Variants in PACS1 observed in about 807,000 individuals in gnomAD.
PACS1 encodes the protein PACS-1.
PACS1 carries 24 observed loss-of-function variants against 115.0 expected under a neutral mutation model. That is an observed-to-expected ratio of 0.21 (90% CI 0.15 to 0.29). The LOEUF (loss-of-function observed/expected upper bound fraction) is 0.29. PACS1 is among the 10% of genes least tolerant of loss of function. PACS1 has a pLI of 1.00. For missense variants in PACS1, 838 were observed against 1,251.2 expected (o/e 0.67, Z 4.98); for synonymous variants, 453 against 504.5 (o/e 0.90, Z 1.37).
At chr11:66,178,294 G>C (rs533855411) in intron 1 of PACS1, among the ~76,000 whole-genome samples, 2 of 152,108 alleles carry the variant, frequency 1.3e-5, no homozygotes, top group South Asian at 4.1e-4. Flanking sequence ...TTGCCTTCTT[G>C]AACAGTATAT....
intron 2 of PACS1, among the ~76,000 whole-genome samples, chr11:66,202,763 A>AG (rs1854844184): frequency 9.7e-6 from 1 of 103,522 alleles, no homozygotes; most frequent in Non-Finnish European, 2.0e-5. Context: ...ATATATATAT[A>AG]TATATATATA....
At chr11:66,201,997 G>A (rs1247501893) in intron 2 of PACS1, among the ~76,000 whole-genome samples, 1 of 151,880 alleles carries the variant, frequency 6.6e-6, no homozygotes, top group Non-Finnish European at 1.5e-5. Context: ...TAAACCTTTA[G>A]CCAGACCAAA....
In PACS1 at chr11:66,232,793, C is replaced by A. The variant is rs202121412; in HGVS notation, c.1732-167C>A. 7.2e-5 allele frequency among the ~76,000 whole-genome samples: 11 copies of A among 152,326 alleles called. No individual in the cohort carries two copies. In the East Asian group the frequency reaches 1.7e-3, roughly 24 times the overall value. On this transcript the variant is annotated intron_variant, in intron 14 of 23. Transcript: ENST00000320580. ...CGTGTCTCGTGGGTCGGCCCCACCC[C>A]CTCCTTACTGGCAGTCCGGAGACCT...
chr11:66,117,086 GA>G (rs1858322505), intron 1 of PACS1, among the ~76,000 whole-genome samples: 2 of 151,988 alleles, frequency 1.3e-5, no homozygotes, highest in Non-Finnish European at 2.9e-5. Context: ...TTTTAAAAAC[GA>G]TGTGTATTAT....
rs150214972 is a variant in PACS1, at chr11:66,235,341, C to G, written c.2145C>G (p.Asn715Lys). 6.2e-7 allele frequency: 1 copy of G among 1,613,988 alleles called. No individual in the cohort carries two copies. Among genetic ancestry groups the G allele is most frequent in the Middle Eastern group, 1.7e-4 (1 of 6,060 alleles). Reference protein sequence around the residue: ...DVAGRVMQYVNGAATTHQLPV... With the variant: ...DVAGRVMQYVKGAATTHQLPV... ...CAGGGCGGGTGATGCAGTACGTCAA[C>G]GGGGCAGCCACGACACACCAGCTTC... The change falls in exon 18 of 24, where the codon AAC (asparagine) becomes AAG (lysine). Residue 715 changes from asparagine to lysine, a missense_variant. By Grantham distance (94) the Asn-to-Lys change is moderately conservative (BLOSUM62 0). Around this residue, in one of 6 missense-constraint regions of PACS1, gnomAD observed 383 missense variants for 537.0 expected, o/e 0.71. Coordinates refer to ENST00000320580, the MANE Select transcript of PACS1 (RefSeq NM_018026.4). This position sits in a 1 kb window ranked among gnomAD's most constrained non-coding sequence, Gnocchi z 5.6.
chr11:66,202,522 A>C (rs1428316404), intron 2 of PACS1, among the ~76,000 whole-genome samples: 3 of 151,904 alleles, frequency 2.0e-5, no homozygotes, highest in Middle Eastern at 3.2e-3. Flanking sequence ...AGGATGGTTC[A>C]GCATACACAA....
At chr11:66,162,821 G>A (rs896238058) in intron 1 of PACS1, among the ~76,000 whole-genome samples, 3 of 152,154 alleles carry the variant, frequency 2.0e-5, no homozygotes, top group African/African-American at 7.2e-5. Flanking sequence ...AACCAAGTAA[G>A]CAATGTTAAA....
At chr11:66,093,727 A>G (rs1208237098) in intron 1 of PACS1, among the ~76,000 whole-genome samples, 3,909 of 150,120 alleles carry the variant, frequency 0.026, 148 homozygotes, top group African/African-American at 0.089. Context: ...CTCCACCCCA[A>G]ATCAACAGAA....
intron 10 of PACS1, among the ~76,000 whole-genome samples, chr11:66,223,936 A>T (rs1855414434): frequency 6.6e-6 from 1 of 152,172 alleles, no homozygotes; most frequent in Non-Finnish European, 1.5e-5. Context: ...GGTGGCTCAA[A>T]CCTGTAATCC....
chr11:66,177,274 C>T (rs758946649), intron 1 of PACS1, among the ~76,000 whole-genome samples: 60 of 152,242 alleles, frequency 3.9e-4, no homozygotes, highest in Admixed American at 2.7e-3. Context: ...AGTGGTGCAT[C>T]CACCACCTCC....
chr11:66,208,484 G>C (rs548594425), intron 2 of PACS1, among the ~76,000 whole-genome samples: 1 of 152,050 alleles, frequency 6.6e-6, no homozygotes, highest in East Asian at 1.9e-4. Context: ...TAAAAATAAT[G>C]TTTCAATGAA....
At chr11:66,138,282 A>G (rs1056600620) in intron 1 of PACS1, among the ~76,000 whole-genome samples, 1 of 151,884 alleles carries the variant, frequency 6.6e-6, no homozygotes, top group Non-Finnish European at 1.5e-5. Context: ...TTTTACAGAG[A>G]TGGGAGTCTT....
At position 66,219,821 on chromosome 11, in the gene PACS1, C is replaced by T. The variant is rs921691900; in HGVS notation, c.1038+16C>T. 1 of 1,588,072 alleles carries T rather than the reference C, an allele frequency of 6.3e-7. No individual in the cohort carries two copies. On this transcript the variant is annotated intron_variant, in intron 8 of 23. Coordinates refer to ENST00000320580, the MANE Select transcript of PACS1 (RefSeq NM_018026.4). The stretch of plus-strand genomic sequence containing the variant: ...TTCAGATGAGGTATGGCCTCTTACT[C>T]CCAAGGTTAATGGTGAGTAGAATTC...
rs377260681 is a variant in PACS1, at chr11:66,243,159, C to T, written c.2777-6C>T. On this transcript the variant is annotated splice_region_variant and splice_polypyrimidine_tract_variant and intron_variant, in intron 23 of 23. Transcript: ENST00000320580. ...CTGGTCACCCCTCCTCTCCTGTCAC[C>T]CCTAGTGTCCATCGATGGGGTCGAG... 1.9e-6 allele frequency: 3 copies of T among 1,612,940 alleles called. No homozygotes were observed. The African/African-American group carries it at 4.0e-5, about 22-fold the overall frequency.
intron 1 of PACS1, among the ~76,000 whole-genome samples, chr11:66,182,699 C>T (rs1402311500): frequency 1.3e-5 from 2 of 152,146 alleles, no homozygotes; most frequent in African/African-American, 4.8e-5. Context: ...CTTATGTGCT[C>T]AGGCTGGTCT....
At chr11:66,211,025 C>G in intron 3 of PACS1, 109 bp from the exon 4 acceptor site, 2 of 1,328,288 alleles carry the variant, frequency 1.5e-6, no homozygotes, top group African/African-American at 1.4e-5. Context: ...TGACTGCCCC[C>G]TTTTAGAGAC....
intron 4 of PACS1, among the ~76,000 whole-genome samples, chr11:66,212,427 T>C (rs565490371): frequency 2.7e-5 from 4 of 150,920 alleles, no homozygotes; most frequent in Admixed American, 6.6e-5. Context: ...CCACTGCGCC[T>C]GGCCTTAACT....
chr11:66,241,322 C>T, intron 21 of PACS1, 105 bp from the exon 22 acceptor site: 2 of 804,050 alleles, frequency 2.5e-6, no homozygotes, highest in South Asian at 1.8e-5. Flanking sequence ...TGCAGCCTTC[C>T]TCAGCCTGCC....
At chr11:66,100,100 G>A (rs1370580582) in intron 1 of PACS1, among the ~76,000 whole-genome samples, 1 of 151,868 alleles carries the variant, frequency 6.6e-6, no homozygotes, top group Non-Finnish European at 1.5e-5. Flanking sequence ...GGCTGGTCTC[G>A]AACTCCTGAC....
Sources: gnomAD v4.1 joint callset for allele counts (sites outside exome capture counted in the v4.1 genomes callset) on GRCh38, gnomAD v4.1.1 for gene constraint, gnomAD v4.1.1 regional missense constraint, Gnocchi (gnomAD v3.1) non-coding constraint, MANE v1.5 for transcripts, NCBI Gene and HGNC (gene_info 2026-07-23, HGNC 2026-07-21) for gene names.